The following LAT2 variants were observed in gnomAD, a reference collection of about 807,000 sequenced individuals.
LAT2 encodes the protein linker for activation of T-cells family member 2.
A neutral mutation model predicts 43.4 loss-of-function variants in LAT2; 23 were observed. That is an observed-to-expected ratio of 0.53 (90% CI 0.38 to 0.75). The LOEUF is 0.75. LAT2 is among the 30% of genes least tolerant of loss of function. The probability of loss-of-function intolerance (pLI) is 0.00; values close to 1 mark genes in which losing one functional copy is unlikely to be tolerated. For synonymous variants in LAT2, 128 were observed against 123.2 expected (o/e 1.04, Z -0.26); for missense variants, 284 against 310.2 (o/e 0.92, Z 0.64).
chr7:74,222,178 G>T (rs990779238), intron 10 of LAT2, among the ~76,000 whole-genome samples: 6 of 147,774 alleles, frequency 4.1e-5, no homozygotes, highest in African/African-American at 1.5e-4. Flanking sequence ...CTGAGGTCAG[G>T]AGTTCAAGAC....
At chr7:74,215,919 C>T (rs1645903637) in intron 2 of LAT2, 28 bp from the exon 3 acceptor site, 5 of 1,533,184 alleles carry the variant, frequency 3.3e-6, no homozygotes, top group Non-Finnish European at 4.5e-6. Flanking sequence ...AAAAGGGGCC[C>T]CTTGCTCACG....
intron 9 of LAT2, among the ~76,000 whole-genome samples, chr7:74,221,212 T>TC (rs1159965537): frequency 6.6e-6 from 1 of 151,756 alleles, no homozygotes; most frequent in African/African-American, 2.4e-5. Flanking sequence ...GGCCAGGAGT[T>TC]CAAGACCAGC....
At chr7:74,228,746 G>A (rs555993980) in intron 13 of LAT2, among the ~76,000 whole-genome samples, 198 bp from the exon 14 acceptor site, 38 of 151,022 alleles carry the variant, frequency 2.5e-4, no homozygotes, top group African/African-American at 8.5e-4. Flanking sequence ...CCGAGATCGC[G>A]CCACCGCACT....
intron 4 of LAT2, among the ~76,000 whole-genome samples, chr7:74,219,198 G>A (rs950547680): frequency 1.3e-5 from 2 of 151,526 alleles, no homozygotes; most frequent in South Asian, 4.1e-4. Context: ...CACCGCGCCC[G>A]GCTAATTTTT....
At position 74,224,189 on chromosome 7, in the gene LAT2, A is replaced by C; in HGVS notation, c.620A>C (p.Lys207Thr). The C allele has an allele frequency of 1.9e-6, 3 of 1,613,518 alleles. No individual in the cohort carries two copies. The highest frequency in any genetic ancestry group is 2.5e-6 in the Non-Finnish European group (3 of 1,180,014). ...ATCCATCAGTGGCGCGAGTCCAGGA[A>C]GGTCATGGGTAGGTGGCCGGGAGAA... ...ASIHQWRESR[K>T]VMGQLQREAS... The change falls in exon 12 of 14, where the codon AAG (lysine) becomes ACG (threonine). Residue 207 changes from lysine to threonine, a missense_variant. Coordinates refer to ENST00000460943, the MANE Select transcript of LAT2 (RefSeq NM_032464.3).
chr7:74,226,499 A>AC (rs1281744389), intron 13 of LAT2: 1 of 151,860 alleles, frequency 6.6e-6, no homozygotes, highest in African/African-American at 2.4e-5. Context: ...TCAAAAAAAA[A>AC]ATTTAAAAAT....
rs541732973 is a variant in LAT2, at chr7:74,221,514, C to A, written c.333-123C>A. 8 of 591,348 alleles carry A rather than the reference C, an allele frequency of 1.4e-5. No homozygotes were observed. In the South Asian group the frequency reaches 2.0e-4, roughly 15 times the overall value. The allele number at this position is 591,348 out of a possible 1,614,324, so 36.6% of individuals were successfully genotyped here. On this transcript the variant is annotated intron_variant, in intron 9 of 13. Coordinates refer to ENST00000460943, the MANE Select transcript of LAT2 (RefSeq NM_032464.3). ...GAATCAGAGAGGAGATCCTGGCAGA[C>A]CCCCATGGCCCCCAAGAGGAGCAAT...
intron 13 of LAT2, among the ~76,000 whole-genome samples, chr7:74,228,165 T>TTAA (rs1802561383): frequency 4.5e-5 from 1 of 22,384 alleles, no homozygotes; most frequent in African/African-American, 1.0e-4. Context: ...AACTACGTCT[T>TTAA]AAAAAAAAAA....
chr7:74,213,696 T>A (rs868921982), intron 1 of LAT2, among the ~76,000 whole-genome samples: 45 of 152,176 alleles, frequency 3.0e-4, no homozygotes, highest in Middle Eastern at 6.8e-3. Flanking sequence ...GTGCTGGGAT[T>A]ACAGGCGTGA....
intron 12 of LAT2, 131 bp from the exon 13 acceptor site, chr7:74,224,508 C>T (rs1032397704): frequency 2.3e-5 from 18 of 775,582 alleles, no homozygotes; most frequent in African/African-American, 1.4e-4. Context: ...CAGACACACA[C>T]CGCCAGGACC....
intron 1 of LAT2, 80 bp from the exon 2 acceptor site, chr7:74,214,740 AAT>A (rs1465143094): frequency 6.1e-5 from 6 of 97,680 alleles, no homozygotes; most frequent in African/African-American, 2.0e-4. Flanking sequence ...TATATATAAA[AAT>A]ATATAAATAT....
chr7:74,214,791 A>ATATTT (rs1278478546), intron 1 of LAT2, 31 bp from the exon 2 acceptor site: 10 of 79,348 alleles, frequency 1.3e-4, no homozygotes, highest in South Asian at 3.4e-4. Context: ...ATATATATAT[A>ATATTT]TTTTTTTTTT....
At position 74,214,071 on chromosome 7, in the gene LAT2, T is replaced by A. The variant is rs1459740440; in HGVS notation, c.-218-751T>A. Among the ~76,000 whole-genome samples the A allele has an allele frequency of 3.1e-3, 392 of 125,722 alleles. 1 individual carries two copies. Among genetic ancestry groups the A allele is most frequent in the African/African-American group, 0.013 (375 of 29,736 alleles). The allele number at this position is 125,722 out of a possible 152,430, so 82.5% of individuals were successfully genotyped here. The stretch of plus-strand genomic sequence containing the variant: ...ATATATATATATGAAAAAATATATA[T>A]AAATATATATATATGAAAAAATATA... On this transcript the variant is annotated intron_variant, in intron 1 of 13. Coordinates refer to ENST00000460943, the MANE Select transcript of LAT2 (RefSeq NM_032464.3).
At chr7:74,214,153 TATATATATGA>T (rs1563966775) in intron 1 of LAT2, among the ~76,000 whole-genome samples, 9 of 63,334 alleles carry the variant, frequency 1.4e-4, no homozygotes, top group Non-Finnish European at 1.9e-4. Flanking sequence ...TATATATAAA[TATATATATGA>T]AAATATATAT....
At chr7:74,223,416 G>A (rs1335789782) in intron 10 of LAT2, among the ~76,000 whole-genome samples, 6 of 152,154 alleles carry the variant, frequency 3.9e-5, no homozygotes, top group Non-Finnish European at 7.4e-5. Flanking sequence ...CGTTTGAGCC[G>A]GGAGTTGGAG....
At chr7:74,215,582 C>T (rs1474960440) in intron 2 of LAT2, among the ~76,000 whole-genome samples, 9 of 152,264 alleles carry the variant, frequency 5.9e-5, no homozygotes, top group East Asian at 1.9e-4. Context: ...ACTTAGCAGA[C>T]GTGAGCTCTC....
At chr7:74,221,525 C>A (rs1330705551) in intron 9 of LAT2, 112 bp from the exon 10 acceptor site, 1 of 691,256 alleles carries the variant, frequency 1.4e-6, no homozygotes. Context: ...CCCCATGGCC[C>A]CCAAGAGGAG....
chr7:74,222,611 G>A (rs113342135), intron 10 of LAT2, among the ~76,000 whole-genome samples: 3,315 of 151,380 alleles, frequency 0.022, 112 homozygotes, highest in African/African-American at 0.074. Context: ...GCCTTGCTCT[G>A]TCACCCAGGT....
At chr7:74,223,932 C>G in intron 11 of LAT2, 86 bp from the exon 12 acceptor site, 1 of 1,488,324 alleles carries the variant, frequency 6.7e-7, no homozygotes, top group South Asian at 1.2e-5. Flanking sequence ...TAGAGCCTTG[C>G]CCCTACTATC....
Sources: allele counts gnomAD v4.1 joint callset (sites outside exome capture counted in the v4.1 genomes callset), GRCh38; gene constraint gnomAD v4.1.1; transcripts MANE v1.5; gene names NCBI Gene and HGNC (gene_info 2026-07-23, HGNC 2026-07-21).